Variants in CNOT6 observed in about 807,000 individuals in gnomAD.
CNOT6 encodes the protein carbon catabolite repression 4 protein.
In CNOT6, 12 loss-of-function variants were observed where a neutral mutation model predicts 61.2. The ratio of observed to expected loss-of-function variants is 0.20; its 90% CI spans 0.13 to 0.32. The LOEUF (loss-of-function observed/expected upper bound fraction) is 0.32, where lower values mean the gene tolerates loss of function less well. Among genes scored for constraint, CNOT6 ranks in the 10% least tolerant of loss-of-function variants. CNOT6 has a pLI of 1.00. For missense variants in CNOT6, 405 were observed against 663.9 expected, an observed-to-expected ratio of 0.61 and a Z score of 4.28; for synonymous variants, 225 against 240.6, an observed-to-expected ratio of 0.94 and a Z score of 0.60.
rs189595463 is a variant in CNOT6 at position 180,552,382 on chromosome 5, A to G, written c.300-1004A>G. On this transcript the variant is annotated intron_variant, in intron 3 of 11. Transcript: ENST00000261951. ...AGGCTGGGCACGATGGCTCAAGCCTATAATCCCAGCACACTTTGGGAGGCC... is the reference window on the plus strand; with the variant it reads ...AGGCTGGGCACGATGGCTCAAGCCTGTAATCCCAGCACACTTTGGGAGGCC... 9.0e-3 allele frequency among the ~76,000 whole-genome samples: 1,347 copies of G among 150,188 alleles called. 13 individuals are homozygous for G. Among genetic ancestry groups the G allele is most frequent in the African/African-American group, 0.02 (840 of 41,064 alleles).
intron 1 of CNOT6, among the ~76,000 whole-genome samples, chr5:180,503,601 C>CTTTT (rs56187510): frequency 0.02 from 1,306 of 66,130 alleles, 62 homozygotes; most frequent in African/African-American, 0.044. Flanking sequence ...GCCCTACTTC[C>CTTTT]TTTTTTTTTT....
chr5:180,574,236 T>TG lies in CNOT6; in HGVS notation c.*36_*37insG. 6.4e-7 allele frequency: 1 copy of TG among 1,558,832 alleles called. No individual in the cohort carries two copies. Among genetic ancestry groups the TG allele is most frequent in the Non-Finnish European group, 8.8e-7 (1 of 1,130,044 alleles). ...TCAGAGGACAGCCTTGATTCACTTG[T>TG]AAACTTGTGAAAATCTGAACATAGG... On this transcript the variant is annotated 3_prime_UTR_variant, in exon 12 of 12. Coordinates refer to ENST00000261951, the MANE Select transcript of CNOT6 (RefSeq NM_001370472.1).
chr5:180,516,645 G>T (rs150079277), intron 1 of CNOT6, among the ~76,000 whole-genome samples: 6 of 152,146 alleles, frequency 3.9e-5, no homozygotes, highest in Non-Finnish European at 7.3e-5. Flanking sequence ...GTAACATCAC[G>T]CAAATCACTA....
intron 1 of CNOT6, among the ~76,000 whole-genome samples, 153 bp downstream of exon 1, chr5:180,494,916 C>T (rs1197958794): frequency 6.6e-6 from 1 of 151,790 alleles, no homozygotes; most frequent in South Asian, 2.1e-4. Flanking sequence ...GTTGGGGGCC[C>T]CTTCGACGCG....
At chr5:180,515,748 C>T (rs890646791) in intron 1 of CNOT6, among the ~76,000 whole-genome samples, 25 of 152,178 alleles carry the variant, frequency 1.6e-4, no homozygotes, top group African/African-American at 5.5e-4. Context: ...TCTTTCTGCA[C>T]GTGAGTTTAT....
intron 4 of CNOT6, among the ~76,000 whole-genome samples, chr5:180,560,277 A>G (rs1197342007): frequency 6.6e-6 from 1 of 152,080 alleles, no homozygotes; most frequent in Non-Finnish European, 1.5e-5. Context: ...GTGATTTAGA[A>G]AACTTAAGGA....
intron 1 of CNOT6, among the ~76,000 whole-genome samples, chr5:180,528,092 A>G (rs1437157237): frequency 6.6e-6 from 1 of 151,026 alleles, no homozygotes; most frequent in Non-Finnish European, 1.5e-5. Context: ...TAGCCTGACT[A>G]TCCATTTAAA....
intron 10 of CNOT6, 83 bp from the exon 11 acceptor site, chr5:180,571,146 GT>G (rs1760727397): frequency 2.1e-6 from 2 of 941,962 alleles, no homozygotes; most frequent in Non-Finnish European, 3.2e-6. Context: ...AATATGTATA[GT>G]TTAAAACTTC....
intron 10 of CNOT6, 22 bp downstream of exon 10, chr5:180,569,362 A>G (rs1760629653): frequency 6.7e-7 from 1 of 1,488,524 alleles, no homozygotes; most frequent in South Asian, 1.2e-5. Context: ...ATGTGATTTT[A>G]TGTAGAATAT....
intron 1 of CNOT6, among the ~76,000 whole-genome samples, chr5:180,511,729 A>G (rs1000830526): frequency 2.0e-5 from 3 of 151,898 alleles, no homozygotes; most frequent in African/African-American, 7.3e-5. Flanking sequence ...TTGTGCTACT[A>G]CACTCCAGCC....
At chr5:180,519,498 C>G (rs1757788666) in intron 1 of CNOT6, among the ~76,000 whole-genome samples, 1 of 152,090 alleles carries the variant, frequency 6.6e-6, no homozygotes, top group Non-Finnish European at 1.5e-5. Flanking sequence ...TTCATCTGGC[C>G]AAGTGTTAGA....
chr5:180,540,150 C>T (rs998084824), intron 2 of CNOT6, among the ~76,000 whole-genome samples: 42 of 152,148 alleles, frequency 2.8e-4, no homozygotes, highest in African/African-American at 9.4e-4. Context: ...TTCCGAGGGT[C>T]CCTGGGGCAG....
intron 11 of CNOT6, among the ~76,000 whole-genome samples, chr5:180,573,554 T>A (rs1405815084): frequency 2.5e-5 from 2 of 80,690 alleles, no homozygotes; most frequent in East Asian, 5.4e-4. Context: ...AGGGGGGCAG[T>A]GTGTGTGTGT....
intron 3 of CNOT6, among the ~76,000 whole-genome samples, chr5:180,552,538 C>T (rs1020266990): frequency 2.0e-4 from 30 of 151,096 alleles, no homozygotes; most frequent in Middle Eastern, 3.2e-3. Context: ...CCCAGTTACT[C>T]GGGAGGCTGA....
At chr5:180,559,287 T>G (rs1760052493) in intron 4 of CNOT6, among the ~76,000 whole-genome samples, 1 of 152,198 alleles carries the variant, frequency 6.6e-6, no homozygotes, top group African/African-American at 2.4e-5. Context: ...ATTTTGTGCT[T>G]CTCTTGTTTG....
chr5:180,503,041 A>C (rs1030334019), intron 1 of CNOT6, among the ~76,000 whole-genome samples: 3 of 152,170 alleles, frequency 2.0e-5, no homozygotes, highest in Non-Finnish European at 4.4e-5. Flanking sequence ...AGAAACTCAA[A>C]GATTTAGGGG....
At chr5:180,516,645 G>C (rs150079277) in intron 1 of CNOT6, among the ~76,000 whole-genome samples, 30 of 152,146 alleles carry the variant, frequency 2.0e-4, no homozygotes, top group Non-Finnish European at 4.0e-4. Context: ...GTAACATCAC[G>C]CAAATCACTA....
chr5:180,552,468 C>T (rs1384617618), intron 3 of CNOT6, among the ~76,000 whole-genome samples: 17 of 151,320 alleles, frequency 1.1e-4, no homozygotes, highest in South Asian at 2.1e-4. Context: ...GGTGAAACCC[C>T]GTCTCTACTA....
intron 1 of CNOT6, among the ~76,000 whole-genome samples, chr5:180,516,505 ATT>A (rs1353237453): frequency 6.6e-6 from 1 of 152,170 alleles, no homozygotes; most frequent in African/African-American, 2.4e-5. Context: ...AATTCAGGAT[ATT>A]ATCTTGTCAG....
Sources: gnomAD v4.1 joint callset for allele counts (sites outside exome capture counted in the v4.1 genomes callset) on GRCh38, gnomAD v4.1.1 for gene constraint, MANE v1.5 for transcripts, NCBI Gene and HGNC (gene_info 2026-07-23, HGNC 2026-07-21) for gene names.